Variants in ANAPC1 observed in about 807,000 individuals in gnomAD.
ANAPC1 encodes anaphase promoting complex subunit 1, also known as anaphase-promoting complex subunit 1.
Under a neutral mutation model 208.0 loss-of-function variants are expected in ANAPC1, and 36 were observed. The ratio of observed to expected loss-of-function variants is 0.17; its 90% CI spans 0.13 to 0.23. The LOEUF is 0.23. ANAPC1 is among the 10% of genes least tolerant of loss of function. ANAPC1 has a pLI of 1.00. For missense variants in ANAPC1, 942 were observed against 2,011.6 expected (o/e 0.47, Z 10.17); for synonymous variants, 378 against 695.2 (o/e 0.54, Z 7.18).
At position 111,857,107 on chromosome 2, in the gene ANAPC1, A is replaced by G. The variant is rs1370156100; in HGVS notation, c.1359-221T>C. 1.5e-5 allele frequency: 7 copies of G among 478,696 alleles called. No individual in the cohort carries two copies. The East Asian group carries it at 2.6e-4, about 18-fold the overall frequency. 29.7% of individuals were successfully genotyped at this position (478,696 alleles called of 1,614,324 possible). A position where few individuals can be genotyped will look rare whatever the true frequency, so the allele number is the denominator to read the frequency against. ...ACTATAAGGAGTTAACGTAAGACAG[A>G]TAAAGATGTTTTGTATCTTGATTGT... On this transcript the variant is annotated intron_variant, in intron 11 of 47. Transcript: ENST00000341068.
intron 11 of ANAPC1, 97 bp downstream of exon 11, chr2:111,858,209 T>C (rs1480682996): frequency 1.2e-6 from 1 of 838,680 alleles, no homozygotes; most frequent in East Asian, 2.9e-5. Flanking sequence ...TATTTCTAAA[T>C]AAAACTACTT....
chr2:111,772,791 C>G (rs573291565), intron 46 of ANAPC1, among the ~76,000 whole-genome samples: 17 of 152,198 alleles, frequency 1.1e-4, no homozygotes, highest in Admixed American at 2.0e-4. Context: ...TCACACCCTA[C>G]CCTCCACCAT....
intron 6 of ANAPC1, among the ~76,000 whole-genome samples, chr2:111,869,061 A>C (rs4848209): frequency 6.6e-6 from 1 of 151,924 alleles, no homozygotes. Context: ...CATTTATTGC[A>C]TACTTAATAC....
intron 2 of ANAPC1, among the ~76,000 whole-genome samples, chr2:111,880,338 C>T (rs1208863540): frequency 6.6e-6 from 1 of 152,080 alleles, no homozygotes; most frequent in East Asian, 1.9e-4. Flanking sequence ...CACCAGTGCA[C>T]TCCAGCCCGG....
At chr2:111,810,421 C>T (rs1486561000) in intron 28 of ANAPC1, among the ~76,000 whole-genome samples, 1 of 152,004 alleles carries the variant, frequency 6.6e-6, no homozygotes, top group Non-Finnish European at 1.5e-5. Flanking sequence ...TGTGAATACA[C>T]TAAAAACCAC....
intron 27 of ANAPC1, among the ~76,000 whole-genome samples, chr2:111,816,049 T>C (rs1271654676): frequency 6.6e-6 from 1 of 152,010 alleles, no homozygotes; most frequent in Non-Finnish European, 1.5e-5. Flanking sequence ...ACACTGATGT[T>C]AATTTCAAAT....
intron 39 of ANAPC1, among the ~76,000 whole-genome samples, chr2:111,787,705 A>G (rs1677639517): frequency 6.6e-6 from 1 of 151,878 alleles, no homozygotes; most frequent in Non-Finnish European, 1.5e-5. Flanking sequence ...AACTGCTTCT[A>G]CATGGTTTGA....
chr2:111,840,551 A>G (rs549551782), intron 17 of ANAPC1, among the ~76,000 whole-genome samples: 2 of 152,340 alleles, frequency 1.3e-5, no homozygotes, highest in Admixed American at 6.5e-5. Context: ...GCGAAGGGGC[A>G]TAGGTTCTCT....
chr2:111,878,695 A>G, intron 3 of ANAPC1, 115 bp downstream of exon 3: 6 of 1,342,004 alleles, frequency 4.5e-6, no homozygotes. Context: ...TACAACGTAC[A>G]CCCAGCTGCT....
intron 18 of ANAPC1, among the ~76,000 whole-genome samples, chr2:111,838,085 CAA>C (rs57089465): frequency 9.7e-6 from 1 of 103,494 alleles, no homozygotes. Context: ...TACTCCGTCT[CAA>C]AAAAAAAAAG....
intron 18 of ANAPC1, among the ~76,000 whole-genome samples, chr2:111,837,579 C>G (rs1680535481): frequency 6.6e-6 from 1 of 151,910 alleles, no homozygotes; most frequent in Non-Finnish European, 1.5e-5. Flanking sequence ...CCACTGCACT[C>G]CAGCCTGGGC....
intron 24 of ANAPC1, among the ~76,000 whole-genome samples, chr2:111,824,482 A>T (rs1400028536): frequency 1.3e-5 from 2 of 152,044 alleles, no homozygotes; most frequent in African/African-American, 4.8e-5. Flanking sequence ...GGGAATAGGG[A>T]ATATAGAACT....
At position 111,790,582 on chromosome 2, in the gene ANAPC1, T is replaced by C. The variant is rs561480845; in HGVS notation, c.4712+1780A>G. On this transcript the variant is annotated intron_variant, in intron 38 of 47. Transcript: ENST00000341068. The stretch of plus-strand genomic sequence containing the variant: ...AAATCCGTGCCAGGTAGATTTTAGA[T>C]TCAAATGTGAATGGAAAAGCTAAAA... 3.1e-3 allele frequency among the ~76,000 whole-genome samples: 469 copies of C among 152,102 alleles called. 2 individuals carry two copies. The highest frequency in any genetic ancestry group is 5.7e-3 in the Non-Finnish European group (389 of 67,990).
At chr2:111,854,374 A>G (rs928196311) in intron 13 of ANAPC1, among the ~76,000 whole-genome samples, 5 of 152,218 alleles carry the variant, frequency 3.3e-5, no homozygotes, top group African/African-American at 9.6e-5. Context: ...CAGACTTGGC[A>G]TAATTCTTAA....
intron 44 of ANAPC1, chr2:111,778,995 G>A (rs1677137588): frequency 1.1e-5 from 2 of 174,238 alleles, no homozygotes; most frequent in African/African-American, 4.9e-5. Flanking sequence ...CTACAGAAGA[G>A]AGGAATGGAC....
chr2:111,856,974 T>C, intron 11 of ANAPC1, 88 bp from the exon 12 acceptor site: 1 of 1,058,006 alleles, frequency 9.5e-7, no homozygotes, highest in Non-Finnish European at 1.4e-6. Context: ...AAAGACAATC[T>C]CAGAAGTTTA....
intron 17 of ANAPC1, among the ~76,000 whole-genome samples, chr2:111,841,761 T>C (rs1470254619): frequency 2.0e-5 from 3 of 152,048 alleles, no homozygotes; most frequent in African/African-American, 4.8e-5. Flanking sequence ...CTGTGGCCAC[T>C]GGACTGAGAA....
intron 26 of ANAPC1, among the ~76,000 whole-genome samples, chr2:111,820,031 A>G (rs1437850645): frequency 6.6e-6 from 1 of 152,192 alleles, no homozygotes; most frequent in African/African-American, 2.4e-5. Flanking sequence ...GAACAATATT[A>G]TATCCCCTGA....
intron 34 of ANAPC1, 126 bp from the exon 35 acceptor site, chr2:111,795,020 T>A: frequency 8.9e-7 from 1 of 1,120,772 alleles, no homozygotes; most frequent in Non-Finnish European, 1.3e-6. Flanking sequence ...CCAAACCATT[T>A]CACTCAAAAG....
Sources: allele counts gnomAD v4.1 joint callset (sites outside exome capture counted in the v4.1 genomes callset), GRCh38; gene constraint gnomAD v4.1.1; transcripts MANE v1.5; gene names NCBI Gene and HGNC (gene_info 2026-07-23, HGNC 2026-07-21).